The following STX1B variants were observed in gnomAD, a reference collection of about 807,000 sequenced individuals.
The protein encoded by STX1B is syntaxin 1B, also known as syntaxin-1B.
In STX1B, 7 loss-of-function variants were observed where a neutral mutation model predicts 39.4. The observed-to-expected ratio is 0.18, with a 90% CI of 0.10 to 0.33. The LOEUF is 0.33. Among genes scored for constraint, STX1B ranks in the 10% least tolerant of loss-of-function variants. STX1B has a pLI of 1.00. For missense variants in STX1B, 198 were observed against 383.2 expected (o/e 0.52, Z 4.04); for synonymous variants, 136 against 144.1 (o/e 0.94, Z 0.40).
chr16:30,997,825 G>C (rs1458911747), intron 4 of STX1B, among the ~76,000 whole-genome samples: 1 of 152,250 alleles, frequency 6.6e-6, no homozygotes, highest in Non-Finnish European at 1.5e-5. Flanking sequence ...TCACCAGACA[G>C]AAGGGGGCTA....
chr16:31,002,096 C>T (rs1206793606), intron 1 of STX1B, among the ~76,000 whole-genome samples: 1 of 152,128 alleles, frequency 6.6e-6, no homozygotes, highest in East Asian at 1.9e-4. Flanking sequence ...CAGCGGCAGG[C>T]GCCAAGTTGA....
Position 31,010,609 on chromosome 16 carries a change from T to C in STX1B, c.-213A>G. On this transcript the variant is annotated 5_prime_UTR_variant, in exon 1 of 10. Transcript: ENST00000215095. The stretch of plus-strand genomic sequence containing the variant: ...CGGGCTCGGCTCTGCCGGGCTGCGG[T>C]GGCGATGCGGCTGCGGCACAGGGTA... The C allele has an allele frequency of 7.3e-6, 1 of 137,438 alleles. No individual in the cohort carries two copies. Among genetic ancestry groups the C allele is most frequent in the South Asian group, 2.2e-4 (1 of 4,490 alleles). 8.5% of individuals were successfully genotyped at this position (137,438 alleles called of 1,614,324 possible).
rs1198041080 is a variant in STX1B, at chr16:30,990,589, C to T, written c.*2232G>A. ...CACGTACGCTTCACATGACCTGGGA[C>T]CCTGGGGTCCGCACACACACACCGA... On this transcript the variant is annotated 3_prime_UTR_variant, in exon 10 of 10. Coordinates refer to ENST00000215095, the MANE Select transcript of STX1B (RefSeq NM_052874.5). The T allele has an allele frequency of 6.6e-6, 1 of 152,284 alleles. No homozygotes were observed. Among genetic ancestry groups the T allele is most frequent in the Non-Finnish European group, 1.5e-5 (1 of 68,086 alleles). The allele number at this position is 152,284 out of a possible 1,614,324, so 9.4% of individuals were successfully genotyped here.
At chr16:31,009,268 G>T (rs922652064) in intron 1 of STX1B, among the ~76,000 whole-genome samples, 3 of 152,070 alleles carry the variant, frequency 2.0e-5, no homozygotes, top group African/African-American at 7.3e-5. Flanking sequence ...ATTGCAGTCT[G>T]CCCCCCACCC....
At chr16:31,006,476 C>T (rs1272638479) in intron 1 of STX1B, among the ~76,000 whole-genome samples, 1 of 152,124 alleles carries the variant, frequency 6.6e-6, no homozygotes, top group Non-Finnish European at 1.5e-5. Context: ...AGAAGACAGG[C>T]GAGGAGGGCC....
chr16:31,002,433 G>GC (rs35178168), intron 1 of STX1B, among the ~76,000 whole-genome samples: 1 of 150,888 alleles, frequency 6.6e-6, no homozygotes, highest in Non-Finnish European at 1.5e-5. Context: ...ACAGGAATAG[G>GC]CCCCCCCGAC....
chr16:31,009,861 G>A (rs909168300), intron 1 of STX1B, among the ~76,000 whole-genome samples: 2 of 152,018 alleles, frequency 1.3e-5, no homozygotes, highest in Middle Eastern at 3.4e-3. Context: ...CCTCCCTATA[G>A]GGAGTGACAC....
chr16:30,997,671 A>C, intron 4 of STX1B, 96 bp from the exon 5 acceptor site: 1 of 1,192,732 alleles, frequency 8.4e-7, no homozygotes, highest in Non-Finnish European at 1.2e-6. Context: ...CGGCAGCGCC[A>C]GGCCCGGGGA....
In STX1B at chr16:31,001,647, G is replaced by T. The variant is rs777923802; in HGVS notation, c.31-44C>A. 1.3e-6 allele frequency: 2 copies of T among 1,544,460 alleles called. No individual in the cohort carries two copies. The highest frequency in any genetic ancestry group is 2.2e-5 in the East Asian group (1 of 44,518). On this transcript the variant is annotated intron_variant, in intron 1 of 9. Coordinates refer to ENST00000215095, the MANE Select transcript of STX1B (RefSeq NM_052874.5). This position sits in a 1 kb window ranked among gnomAD's most constrained non-coding sequence, Gnocchi z 5.5. ...GAGTCCATGAGCAGGCCCTACCTGGGTCCCCAAGGCTGGCTCTCCAGCTCT... is the reference window on the plus strand; with the variant it reads ...GAGTCCATGAGCAGGCCCTACCTGGTTCCCCAAGGCTGGCTCTCCAGCTCT...
intron 1 of STX1B, among the ~76,000 whole-genome samples, chr16:31,007,176 C>T (rs948166932): frequency 1.3e-5 from 2 of 152,066 alleles, no homozygotes; most frequent in Admixed American, 6.5e-5. Context: ...GATCCATCAC[C>T]CAGGGTTCGT....
At chr16:31,002,502 C>T (rs1282659508) in intron 1 of STX1B, among the ~76,000 whole-genome samples, 2 of 152,208 alleles carry the variant, frequency 1.3e-5, no homozygotes, top group African/African-American at 4.8e-5. Context: ...ACAGCTGAGC[C>T]GCACTGACAT....
chr16:30,999,162 T>C (rs1380769693), intron 4 of STX1B, among the ~76,000 whole-genome samples: 2 of 152,060 alleles, frequency 1.3e-5, no homozygotes, highest in Non-Finnish European at 2.9e-5. Context: ...ATGGTGGAGG[T>C]TAGACTCTGT....
intron 7 of STX1B, among the ~76,000 whole-genome samples, chr16:30,995,608 C>G (rs1294150679): frequency 6.6e-6 from 1 of 151,962 alleles, no homozygotes; most frequent in South Asian, 2.1e-4. Context: ...CCTCCTGCCT[C>G]AGCCCCCTAG....
intron 1 of STX1B, among the ~76,000 whole-genome samples, chr16:31,009,248 G>T (rs748225714): frequency 3.0e-4 from 46 of 152,278 alleles, no homozygotes; most frequent in Middle Eastern, 3.4e-3. Context: ...CTAGCAGACA[G>T]GAAACCCAGA....
In STX1B at chr16:31,010,450, G is replaced by A; in HGVS notation, c.-54C>T. On this transcript the variant is annotated 5_prime_UTR_variant, in exon 1 of 10. Transcript: ENST00000215095. Reference sequence around the variant, plus strand: ...GTCCTCCTGCCTCTGCTGCTGCTCCGGGTCTCCCGCCTCTGTGCCGGAGGC... The same window carrying A: ...GTCCTCCTGCCTCTGCTGCTGCTCCAGGTCTCCCGCCTCTGTGCCGGAGGC... The A allele has an allele frequency of 7.5e-7, 1 of 1,332,560 alleles. No homozygotes were observed. The highest frequency in any genetic ancestry group is 9.8e-7 in the Non-Finnish European group (1 of 1,017,176). 82.5% of individuals were successfully genotyped at this position (1,332,560 alleles called of 1,614,324 possible). A position where few individuals can be genotyped will look rare whatever the true frequency, so the allele number is the denominator to read the frequency against.
Position 30,992,612 on chromosome 16 carries a change from T to G in STX1B, c.*209A>C. On this transcript the variant is annotated 3_prime_UTR_variant, in exon 10 of 10. Coordinates refer to ENST00000215095, the MANE Select transcript of STX1B (RefSeq NM_052874.5). ...CATGCATGTTGGTGTGCATGTGTAA[T>G]CACGCCTGCTGCGATCTACGTGCGG... 1 of 502,368 alleles carries G rather than the reference T, an allele frequency of 2.0e-6. No individual in the cohort carries two copies. Among genetic ancestry groups the G allele is most frequent in the Non-Finnish European group, 3.4e-6 (1 of 290,396 alleles). 31.1% of individuals were successfully genotyped at this position (502,368 alleles called of 1,614,324 possible). A position where few individuals can be genotyped will look rare whatever the true frequency, so the allele number is the denominator to read the frequency against.
rs747223515 is a variant in STX1B, at chr16:31,001,559, C to T, written c.75G>A (p.Arg25=). The change falls in exon 2 of 10, where the codon CGG becomes CGA. Residue 25 remains arginine (R), a synonymous_variant. Coordinates refer to ENST00000215095, the MANE Select transcript of STX1B (RefSeq NM_052874.5). This position sits in a 1 kb window ranked among gnomAD's most constrained non-coding sequence, Gnocchi z 5.5. ...DDEEEVVHVD[R]DHFMDEFFEQ... is the part of the protein sequence containing the mutation. ...CAAAGAACTCATCCATGAAGTGGTC[C>T]CGATCCACGTGGACCACCTCCTCTT... 29 of 1,613,030 alleles carry T rather than the reference C, an allele frequency of 1.8e-5. No individual in the cohort carries two copies. Among genetic ancestry groups the T allele is most frequent in the Non-Finnish European group, 2.4e-5 (28 of 1,179,890 alleles).
intron 7 of STX1B, 93 bp from the exon 8 acceptor site, chr16:30,993,577 T>C: frequency 6.9e-7 from 1 of 1,457,908 alleles, no homozygotes; most frequent in Non-Finnish European, 9.5e-7. Context: ...CGGTGTCATT[T>C]ACTAGCTGAA....
chr16:31,002,403 A>G (rs552241054), intron 1 of STX1B, among the ~76,000 whole-genome samples: 1 of 152,270 alleles, frequency 6.6e-6, no homozygotes, highest in East Asian at 1.9e-4. Flanking sequence ...CACAGACAGA[A>G]GAGCTGACAC....
Sources: gnomAD v4.1 joint callset for allele counts (sites outside exome capture counted in the v4.1 genomes callset) on GRCh38, gnomAD v4.1.1 for gene constraint, Gnocchi (gnomAD v3.1) non-coding constraint, MANE v1.5 for transcripts, NCBI Gene and HGNC (gene_info 2026-07-23, HGNC 2026-07-21) for gene names.